Variants in SUPT16H observed in about 807,000 individuals in gnomAD.
The protein encoded by SUPT16H is SPT16 homolog, facilitates chromatin remodeling subunit, also known as FACT complex subunit SPT16.
Under a neutral mutation model 136.2 loss-of-function variants are expected in SUPT16H, and 24 were observed. The ratio of observed to expected loss-of-function variants is 0.18; its 90% confidence interval spans 0.13 to 0.25. The LOEUF is 0.25. Among genes scored for constraint, SUPT16H ranks in the 10% least tolerant of loss-of-function variants. SUPT16H has a pLI of 1.00. For missense variants in SUPT16H, 623 were observed against 1,270.2 expected (o/e 0.49, Z 7.74); for synonymous variants, 415 against 428.2 (o/e 0.97, Z 0.38).
chr14:21,362,631 G>A (rs1886580846), intron 14 of SUPT16H, among the ~76,000 whole-genome samples, 163 bp downstream of exon 14: 1 of 152,192 alleles, frequency 6.6e-6, no homozygotes. Flanking sequence ...GAAAAAAACT[G>A]AAAGAGGAAG....
At chr14:21,379,242 C>G (rs759361553) in intron 1 of SUPT16H, among the ~76,000 whole-genome samples, 1 of 152,108 alleles carries the variant, frequency 6.6e-6, no homozygotes, top group Middle Eastern at 3.4e-3. Flanking sequence ...TAGAGACCAG[C>G]CTGGCCAATA....
In SUPT16H at chr14:21,363,497, G is replaced by T; in HGVS notation, c.1240C>A (p.Pro414Thr). The change falls in exon 11 of 26, where the codon CCA becomes ACA. Residue 414 changes from proline (P) to threonine (T), a missense_variant. Coordinates refer to ENST00000216297, the MANE Select transcript of SUPT16H (RefSeq NM_007192.4). ...GDTVLVDEDG[P>T]ATVLTSVKKK... is the part of the protein sequence containing the mutation. ...TTCACAGAAGTGAGAACAGTAGCTG[G>T]GCCATCCTAGAATTAAAAGGAGAAT... The T allele has an allele frequency of 6.2e-7, 1 of 1,612,174 alleles. No homozygotes were observed. Among genetic ancestry groups the T allele is most frequent in the South Asian group, 1.1e-5 (1 of 90,870 alleles).
At chr14:21,367,935 G>C (rs540845578) in intron 7 of SUPT16H, among the ~76,000 whole-genome samples, 1 of 152,192 alleles carries the variant, frequency 6.6e-6, no homozygotes, top group Non-Finnish European at 1.5e-5. Context: ...CTATTGCCCA[G>C]GCTGGAGTGC....
chr14:21,369,441 T>G, intron 5 of SUPT16H, 86 bp from the exon 6 acceptor site: 13 of 1,526,412 alleles, frequency 8.5e-6, no homozygotes, highest in Non-Finnish European at 1.2e-5. Flanking sequence ...AGACAAAATG[T>G]ATCCTTGTAT....
At chr14:21,378,434 AGTAACTACTTATTTTACTAAAAATT>A (rs1238123639) in intron 1 of SUPT16H, among the ~76,000 whole-genome samples, 1 of 152,242 alleles carries the variant, frequency 6.6e-6, no homozygotes, top group East Asian at 1.9e-4. Context: ...CAATGTAAAT[AGTAACTACTTATTTTACTAAAAATT>A]GTGGGGAAAA....
chr14:21,363,535 T>C (rs778701514), intron 10 of SUPT16H, 32 bp from the exon 11 acceptor site: 2 of 1,590,274 alleles, frequency 1.3e-6, no homozygotes, highest in Non-Finnish European at 8.6e-7. Context: ...AGACACATTA[T>C]TTAAAAGAGG....
intron 1 of SUPT16H, among the ~76,000 whole-genome samples, chr14:21,380,013 T>G (rs899167635): frequency 6.6e-6 from 1 of 152,232 alleles, no homozygotes; most frequent in Non-Finnish European, 1.5e-5. Flanking sequence ...GAAATGCCTA[T>G]ACAGCTGGCT....
At chr14:21,360,788 C>G in intron 17 of SUPT16H, 58 bp downstream of exon 17, 1 of 1,569,852 alleles carries the variant, frequency 6.4e-7, no homozygotes, top group Non-Finnish European at 8.6e-7. Flanking sequence ...TCTGATCTGT[C>G]ATTCCTAACA....
chr14:21,378,258 T>A (rs1014885738), intron 1 of SUPT16H, among the ~76,000 whole-genome samples: 23 of 152,134 alleles, frequency 1.5e-4, no homozygotes, highest in African/African-American at 5.1e-4. Flanking sequence ...CTGGTAACAT[T>A]ATAATAGATT....
chr14:21,378,611 A>C (rs1886955613), intron 1 of SUPT16H, among the ~76,000 whole-genome samples: 1 of 152,180 alleles, frequency 6.6e-6, no homozygotes, highest in African/African-American at 2.4e-5. Flanking sequence ...CAGGAGAAAA[A>C]TGTTAAGGTA....
chr14:21,371,707 T>A (rs909709047), intron 3 of SUPT16H, among the ~76,000 whole-genome samples, 167 bp downstream of exon 3: 47 of 152,232 alleles, frequency 3.1e-4, no homozygotes, highest in Non-Finnish European at 3.5e-4. Context: ...GATAGGATTA[T>A]TGAATTCTTT....
At chr14:21,375,040 G>A (rs747049305) in intron 1 of SUPT16H, among the ~76,000 whole-genome samples, 11 of 151,806 alleles carry the variant, frequency 7.2e-5, no homozygotes, top group Non-Finnish European at 1.0e-4. Context: ...TTGAGACAGA[G>A]TCTCGCTCTA....
chr14:21,370,575 A>C (rs1886764724), intron 3 of SUPT16H, 87 bp from the exon 4 acceptor site: 2 of 1,416,592 alleles, frequency 1.4e-6, no homozygotes, highest in Non-Finnish European at 1.9e-6. Flanking sequence ...ATAATATTCT[A>C]AACTACGGAA....
chr14:21,355,436 T>A (rs549869944), intron 22 of SUPT16H, among the ~76,000 whole-genome samples: 24 of 147,234 alleles, frequency 1.6e-4, no homozygotes, highest in African/African-American at 6.1e-4. Flanking sequence ...GAGGTTGCAG[T>A]GAGCCGAGAT....
At chr14:21,356,764 C>A (rs1026685685) in intron 22 of SUPT16H, among the ~76,000 whole-genome samples, 7 of 152,020 alleles carry the variant, frequency 4.6e-5, no homozygotes, top group African/African-American at 1.7e-4. Flanking sequence ...ACCACCACTA[C>A]AAAATATGTA....
chr14:21,357,899 T>C, intron 21 of SUPT16H, 28 bp downstream of exon 21: 1 of 1,600,516 alleles, frequency 6.2e-7, no homozygotes. Flanking sequence ...AACAATTTTC[T>C]TACTAAAAGA....
chr14:21,356,574 T>A (rs973708780), intron 22 of SUPT16H, among the ~76,000 whole-genome samples: 1 of 151,822 alleles, frequency 6.6e-6, no homozygotes, highest in African/African-American at 2.4e-5. Context: ...AATAACCTCA[T>A]CTCTAGTAAA....
At chr14:21,372,807 T>C in intron 2 of SUPT16H, 1 of 363,564 alleles carries the variant, frequency 2.8e-6, no homozygotes, top group Non-Finnish European at 5.3e-6. Flanking sequence ...TATTAATACT[T>C]CTTTTTCCTT....
intron 14 of SUPT16H, among the ~76,000 whole-genome samples, 179 bp downstream of exon 14, chr14:21,362,615 C>T (rs1886580310): frequency 6.6e-6 from 1 of 152,028 alleles, no homozygotes; most frequent in Admixed American, 6.5e-5. Flanking sequence ...TAGCTTTCTA[C>T]TAAGTGAAAA....
Sources: gnomAD v4.1 joint callset for allele counts (sites outside exome capture counted in the v4.1 genomes callset) on GRCh38, gnomAD v4.1.1 for gene constraint, MANE v1.5 for transcripts, NCBI Gene and HGNC (gene_info 2026-07-23, HGNC 2026-07-21) for gene names.